MBD5: variants seen among roughly 807,000 people sequenced by gnomAD.
MBD5 encodes methyl-CpG-binding domain protein 5.
A neutral mutation model predicts 117.3 loss-of-function variants in MBD5; 13 were observed. The observed-to-expected ratio is 0.11, with a 90% CI of 0.07 to 0.18. The LOEUF is 0.18. Among genes scored for constraint, MBD5 ranks in the 10% least tolerant of loss-of-function variants. The pLI is 1.00. For synonymous variants in MBD5, 727 were observed against 766.4 expected (o/e 0.95, Z 0.85); for missense variants, 1,879 against 2,093.8 (o/e 0.90, Z 2.00).
chr2:148,272,766 C>T (rs903115540), intron 3 of MBD5, among the ~76,000 whole-genome samples: 1 of 152,096 alleles, frequency 6.6e-6, no homozygotes, highest in African/African-American at 2.4e-5. Flanking sequence ...TTTTGCTGTA[C>T]AGAAGTGCTT....
At chr2:148,373,571 T>C (rs1008265365) in intron 4 of MBD5, among the ~76,000 whole-genome samples, 1 of 152,108 alleles carries the variant, frequency 6.6e-6, no homozygotes, top group Non-Finnish European at 1.5e-5. Context: ...TCTAGAGCCT[T>C]TAAGATTTTC....
rs533303749 is a variant in MBD5 at position 148,035,689 on chromosome 2, G to A, written c.-925+14005G>A. Reference sequence around the variant, plus strand: ...TTCCTCACATTAGGTAGGCAATATTGCAAAAACGTTAAGAGCACGGACCCT... The same window carrying A: ...TTCCTCACATTAGGTAGGCAATATTACAAAAACGTTAAGAGCACGGACCCT... On this transcript the variant is annotated intron_variant, in intron 1 of 13. Transcript: ENST00000642680. Among the ~76,000 whole-genome samples the A allele has an allele frequency of 1.4e-3, 209 of 152,170 alleles. 1 individual carries two copies. The highest frequency in any genetic ancestry group is 0.01 in the Middle Eastern group (3 of 294).
At chr2:148,110,430 C>G (rs1696479862) in intron 1 of MBD5, among the ~76,000 whole-genome samples, 1 of 152,120 alleles carries the variant, frequency 6.6e-6, no homozygotes, top group African/African-American at 2.4e-5. Flanking sequence ...ATGTTTAAGA[C>G]TTGTCTTTTC....
intron 13 of MBD5, among the ~76,000 whole-genome samples, chr2:148,511,562 T>C (rs1364054535): frequency 1.3e-5 from 2 of 152,198 alleles, no homozygotes; most frequent in African/African-American, 4.8e-5. Flanking sequence ...AAACTAGAAG[T>C]CTAGAAGTAA....
intron 3 of MBD5, among the ~76,000 whole-genome samples, chr2:148,283,689 T>A (rs993731400): frequency 1.3e-5 from 2 of 152,160 alleles, no homozygotes; most frequent in Non-Finnish European, 2.9e-5. Context: ...AATACAGTTT[T>A]CTCCTCCTCC....
chr2:148,465,358 G>C (rs1707228611), intron 7 of MBD5, among the ~76,000 whole-genome samples: 2 of 152,022 alleles, frequency 1.3e-5, no homozygotes, highest in South Asian at 4.2e-4. Context: ...TTATACTTTG[G>C]GACTGAGGAA....
chr2:148,186,777 C>T (rs1176489854), intron 2 of MBD5, among the ~76,000 whole-genome samples: 1 of 151,850 alleles, frequency 6.6e-6, no homozygotes, highest in East Asian at 1.9e-4. Context: ...AATTATAAGA[C>T]ATGAAAAAGT....
chr2:148,413,443 C>G lies in MBD5; in HGVS notation c.-556-44760C>G, dbSNP rs546885321. ...AGTTTTCTTTTTTTGTTGTGTCTGC[C>G]AGCTTTTGGTATCAGGATAATGCCG... On this transcript the variant is annotated intron_variant, in intron 4 of 13. Coordinates refer to ENST00000642680, the MANE Select transcript of MBD5 (RefSeq NM_001378120.1). Among the ~76,000 whole-genome samples, 77 of 150,596 alleles carry G rather than the reference C, an allele frequency of 5.1e-4. 1 individual carries two copies. The highest frequency in any genetic ancestry group is 7.0e-3 in the Middle Eastern group (2 of 284).
At chr2:148,117,708 A>G (rs1249757132) in intron 1 of MBD5, among the ~76,000 whole-genome samples, 1 of 152,210 alleles carries the variant, frequency 6.6e-6, no homozygotes, top group Non-Finnish European at 1.5e-5. Flanking sequence ...TATCATTATT[A>G]TGTTTATTAA....
intron 3 of MBD5, among the ~76,000 whole-genome samples, chr2:148,252,907 C>T (rs192550270): frequency 2.0e-3 from 307 of 152,272 alleles, no homozygotes; most frequent in Admixed American, 4.4e-3. Flanking sequence ...TTGGAAGAAT[C>T]TCATTTACCC....
At chr2:148,421,759 C>T (rs1705615049) in intron 4 of MBD5, among the ~76,000 whole-genome samples, 3 of 152,136 alleles carry the variant, frequency 2.0e-5, no homozygotes, top group South Asian at 2.1e-4. Flanking sequence ...GGGGCATCCA[C>T]CATTGCTGAG....
intron 1 of MBD5, among the ~76,000 whole-genome samples, chr2:148,047,309 A>AGGTCTT (rs1479249567): frequency 6.6e-6 from 1 of 152,198 alleles, no homozygotes; most frequent in Non-Finnish European, 1.5e-5. Context: ...CTCAAGCCAT[A>AGGTCTT]ACTAAGACCA....
At chr2:148,113,516 A>G (rs951947742) in intron 1 of MBD5, among the ~76,000 whole-genome samples, 4 of 152,210 alleles carry the variant, frequency 2.6e-5, no homozygotes, top group African/African-American at 9.6e-5. Context: ...ACATGTGTAG[A>G]GAAATGATTT....
chr2:148,140,681 G>T (rs1697291870), intron 1 of MBD5, among the ~76,000 whole-genome samples: 1 of 151,880 alleles, frequency 6.6e-6, no homozygotes, highest in African/African-American at 2.4e-5. Context: ...AGATAAGTAG[G>T]ATATATAAAA....
At chr2:148,508,770 G>A (rs902447755) in intron 12 of MBD5, among the ~76,000 whole-genome samples, 14 of 152,078 alleles carry the variant, frequency 9.2e-5, no homozygotes, top group African/African-American at 2.2e-4. Flanking sequence ...ACCTAAGTAC[G>A]TATATATTTT....
At chr2:148,264,316 A>AGAAGAAGAATAG (rs144387269) in intron 3 of MBD5, 1 of 150,512 alleles carries the variant, frequency 6.6e-6, no homozygotes, top group Non-Finnish European at 1.5e-5. Flanking sequence ...AAGAAGAAGA[A>AGAAGAAGAATAG]GAAGAGGAAG....
intron 3 of MBD5, among the ~76,000 whole-genome samples, chr2:148,261,082 A>G (rs1700720245): frequency 6.6e-6 from 1 of 152,196 alleles, no homozygotes; most frequent in Admixed American, 6.5e-5. Flanking sequence ...CAGATGTGCT[A>G]TCCTCTAGGC....
intron 4 of MBD5, among the ~76,000 whole-genome samples, chr2:148,452,727 A>G (rs370489030): frequency 3.9e-5 from 6 of 152,312 alleles, no homozygotes; most frequent in African/African-American, 1.4e-4. Context: ...CTTAGTAAAT[A>G]AAACCGTGAT....
chr2:148,413,341 G>C (rs1202024918), intron 4 of MBD5, among the ~76,000 whole-genome samples: 2 of 151,984 alleles, frequency 1.3e-5, no homozygotes, highest in African/African-American at 2.4e-5. Flanking sequence ...TTAGCTTTTT[G>C]TTGTGCTTCT....
Sources: allele counts gnomAD v4.1 joint callset (sites outside exome capture counted in the v4.1 genomes callset), GRCh38; gene constraint gnomAD v4.1.1; transcripts MANE v1.5; gene names NCBI Gene and HGNC (gene_info 2026-07-23, HGNC 2026-07-21).